Variants in GRID2 observed in about 807,000 individuals in gnomAD.
The protein encoded by GRID2 is glutamate ionotropic receptor delta type subunit 2, also known as glutamate receptor ionotropic, delta-2.
GRID2 carries 33 observed loss-of-function variants against 114.8 expected under a neutral mutation model. That is an observed-to-expected ratio of 0.29 (90% CI 0.22 to 0.38). GRID2 has a LOEUF of 0.38. Ranked by LOEUF, GRID2 falls within the 10% of genes least tolerant of loss-of-function variation. The pLI is 1.00. For missense variants in GRID2, 1,184 were observed against 1,257.7 expected (o/e 0.94, Z 0.89); for synonymous variants, 505 against 449.9 (o/e 1.12, Z -1.55).
intron 2 of GRID2, among the ~76,000 whole-genome samples, chr4:92,972,705 G>T (rs1329250427): frequency 6.6e-6 from 1 of 151,834 alleles, no homozygotes; most frequent in Non-Finnish European, 1.5e-5. Context: ...TCATCACCCA[G>T]GTATTAAGCC....
At chr4:92,918,914 T>A (rs777281571) in intron 2 of GRID2, among the ~76,000 whole-genome samples, 11 of 152,220 alleles carry the variant, frequency 7.2e-5, no homozygotes, top group African/African-American at 9.6e-5. Context: ...TGTAATACTT[T>A]CAGAAGGAAT....
At chr4:93,686,885 C>G (rs1329087328) in intron 14 of GRID2, among the ~76,000 whole-genome samples, 4 of 151,902 alleles carry the variant, frequency 2.6e-5, no homozygotes, top group Non-Finnish European at 5.9e-5. Context: ...CTGGAGGCCA[C>G]TATAAGGATA....
chr4:93,236,603 A>G (rs904314999), intron 7 of GRID2, among the ~76,000 whole-genome samples: 1 of 151,910 alleles, frequency 6.6e-6, no homozygotes, highest in African/African-American at 2.4e-5. Context: ...CCACCTAGTA[A>G]ATATTACCAG....
chr4:92,350,076 G>A (rs190625374), intron 1 of GRID2, among the ~76,000 whole-genome samples: 18 of 152,008 alleles, frequency 1.2e-4, no homozygotes, highest in Non-Finnish European at 2.2e-4. Flanking sequence ...ATAAGTGACC[G>A]TAGGTCAGTG....
intron 1 of GRID2, among the ~76,000 whole-genome samples, chr4:92,536,003 C>T (rs561970038): frequency 2.0e-5 from 3 of 152,294 alleles, no homozygotes; most frequent in South Asian, 4.1e-4. Flanking sequence ...CTCATTGTTA[C>T]AGCTCATAAA....
At chr4:92,930,761 T>C (rs1265696116) in intron 2 of GRID2, among the ~76,000 whole-genome samples, 5 of 150,950 alleles carry the variant, frequency 3.3e-5, no homozygotes, top group Non-Finnish European at 5.9e-5. Context: ...GACACACACA[T>C]ACACATGCAT....
chr4:93,677,279 C>T (rs985128784), intron 14 of GRID2, among the ~76,000 whole-genome samples: 1 of 152,212 alleles, frequency 6.6e-6, no homozygotes, highest in Non-Finnish European at 1.5e-5. Flanking sequence ...AGCTGGGAAG[C>T]TCGAACTGGG....
At chr4:92,757,235 C>T (rs1424250519) in intron 2 of GRID2, among the ~76,000 whole-genome samples, 1 of 152,004 alleles carries the variant, frequency 6.6e-6, no homozygotes, top group East Asian at 1.9e-4. Flanking sequence ...ATGGAGAATA[C>T]ATTGTGGAGG....
intron 6 of GRID2, among the ~76,000 whole-genome samples, chr4:93,218,012 G>C (rs1744436324): frequency 6.6e-6 from 1 of 151,496 alleles, no homozygotes; most frequent in Non-Finnish European, 1.5e-5. Flanking sequence ...AGATAAATAA[G>C]GTGCTTTTGC....
At chr4:93,110,660 T>C in intron 3 of GRID2, 88 bp from the exon 4 acceptor site, 1 of 862,882 alleles carries the variant, frequency 1.2e-6, no homozygotes, top group Non-Finnish European at 2.0e-6. Flanking sequence ...TGTGGAACAA[T>C]AATCTATTCT....
intron 1 of GRID2, among the ~76,000 whole-genome samples, chr4:92,486,954 C>T (rs962341605): frequency 6.6e-6 from 1 of 151,806 alleles, no homozygotes; most frequent in Non-Finnish European, 1.5e-5. Context: ...TTTTGGTGTT[C>T]ATTTCATATA....
intron 5 of GRID2, among the ~76,000 whole-genome samples, chr4:93,216,204 ATATC>A (rs1744188749): frequency 1.5e-5 from 2 of 131,034 alleles, no homozygotes; most frequent in Non-Finnish European, 3.3e-5. Context: ...AAAAACTTAT[ATATC>A]CTCTTGCTCT....
At chr4:92,558,177 C>T (rs1426703805) in intron 1 of GRID2, among the ~76,000 whole-genome samples, 1 of 151,920 alleles carries the variant, frequency 6.6e-6, no homozygotes, top group Non-Finnish European at 1.5e-5. Context: ...TTTACAATGC[C>T]AAGATATATA....
chr4:93,126,519 C>T (rs1376618062), intron 4 of GRID2, among the ~76,000 whole-genome samples: 3 of 149,904 alleles, frequency 2.0e-5, no homozygotes, highest in Non-Finnish European at 4.4e-5. Flanking sequence ...GTCAATAATA[C>T]CTACCCCAGC....
At chr4:92,632,581 G>A (rs1436219915) in intron 2 of GRID2, among the ~76,000 whole-genome samples, 2 of 151,938 alleles carry the variant, frequency 1.3e-5, no homozygotes, top group East Asian at 1.9e-4. Context: ...GTAGTGAGCC[G>A]AGATCGCACC....
chr4:93,439,815 T>G (rs1721456160), intron 10 of GRID2, among the ~76,000 whole-genome samples: 1 of 151,986 alleles, frequency 6.6e-6, no homozygotes, highest in Non-Finnish European at 1.5e-5. Context: ...CCACCCACAC[T>G]GGAGAGGGGC....
At chr4:92,867,495 G>T (rs1744956014) in intron 2 of GRID2, among the ~76,000 whole-genome samples, 1 of 151,964 alleles carries the variant, frequency 6.6e-6, no homozygotes, top group East Asian at 1.9e-4. Flanking sequence ...TGCTAATTTA[G>T]CTTGAGTACT....
intron 9 of GRID2, among the ~76,000 whole-genome samples, chr4:93,397,440 G>A (rs1374179595): frequency 6.7e-6 from 1 of 150,028 alleles, no homozygotes; most frequent in African/African-American, 2.4e-5. Flanking sequence ...GATGATTGCA[G>A]TGAAAGACGG....
intron 8 of GRID2, among the ~76,000 whole-genome samples, chr4:93,336,740 A>G (rs1759132366): frequency 6.6e-6 from 1 of 152,188 alleles, no homozygotes; most frequent in Non-Finnish European, 1.5e-5. Context: ...TGTAAATGAC[A>G]TCATATTTGT....
Sources: gnomAD v4.1 joint callset for allele counts (sites outside exome capture counted in the v4.1 genomes callset) on GRCh38, gnomAD v4.1.1 for gene constraint, MANE v1.5 for transcripts, NCBI Gene and HGNC (gene_info 2026-07-23, HGNC 2026-07-21) for gene names.